Variants in PLA2R1 observed in about 807,000 individuals in gnomAD.
PLA2R1 encodes the protein secretory phospholipase A2 receptor.
A neutral mutation model predicts 195.9 loss-of-function variants in PLA2R1; 158 were observed. The ratio of observed to expected loss-of-function variants is 0.81; its 90% CI spans 0.71 to 0.92. PLA2R1 has a LOEUF of 0.92. Among genes scored for constraint, PLA2R1 ranks in the 40% least tolerant of loss-of-function variants. The pLI is 0.00. For synonymous variants in PLA2R1, 586 were observed against 598.2 expected (o/e 0.98, Z 0.30); for missense variants, 1,626 against 1,764.6 (o/e 0.92, Z 1.41).
chr2:160,011,469 T>C (rs181534495), intron 10 of PLA2R1, among the ~76,000 whole-genome samples: 1 of 152,032 alleles, frequency 6.6e-6, no homozygotes, highest in Non-Finnish European at 1.5e-5. Context: ...TCAAAAAAAA[T>C]TTTCTAATAA....
chr2:159,979,415 G>GA (rs928711443), intron 14 of PLA2R1, among the ~76,000 whole-genome samples: 2 of 152,062 alleles, frequency 1.3e-5, no homozygotes, highest in Non-Finnish European at 2.9e-5. Flanking sequence ...TGAGATAAAT[G>GA]AAAAATCATT....
chr2:160,053,811 T>C (rs1195967433), intron 1 of PLA2R1, among the ~76,000 whole-genome samples: 4 of 152,218 alleles, frequency 2.6e-5, no homozygotes, highest in African/African-American at 9.7e-5. Context: ...CAGGCAGAAT[T>C]GAACAGAGGC....
At chr2:159,966,109 C>T (rs1006222804) in intron 20 of PLA2R1, among the ~76,000 whole-genome samples, 1 of 152,086 alleles carries the variant, frequency 6.6e-6, no homozygotes, top group Non-Finnish European at 1.5e-5. Flanking sequence ...AAGAAATAAA[C>T]ATACAATCAA....
rs754437403 is a variant in PLA2R1, at chr2:160,020,112, C to T, written c.1446G>A (p.Glu482=). Residue 482 remains glutamate, a synonymous_variant, in exon 8 of 30, where the codon GAG becomes GAA. Transcript: ENST00000283243. ...AACAAATGAATCAACTTACAGACTG[C>T]TCTGCTGAGACACACAGCTGGCTTC... is the stretch of plus-strand genomic sequence containing the variant. ...PNRSQLCVSA[E]QSEGHWKVKN... 1.1e-5 allele frequency: 18 copies of T among 1,612,272 alleles called. No individual in the cohort carries two copies. The Admixed American group carries it at 3.0e-4, about 27-fold the overall frequency.
At chr2:160,028,824 G>A (rs369190349) in intron 5 of PLA2R1, 26 bp downstream of exon 5, 19 of 1,360,188 alleles carry the variant, frequency 1.4e-5, no homozygotes, top group African/African-American at 1.1e-4. Context: ...GCCACGTGAC[G>A]AAGGCAAAGA....
At position 159,951,388 on chromosome 2, in the gene PLA2R1, G is replaced by A. The variant is rs1192179478; in HGVS notation, c.3492C>T (p.Val1164=). ...AGTGGGCATATCCTAGCCGGTTGAG[G>A]ACAACAGTGAGGAAGGACTGGTGAT... The part of the protein sequence containing the change: ...DQYHQSFLTV[V]LNRLGYAHWI... The change falls in exon 24 of 30, where the codon GTC becomes GTT. Residue 1164 remains valine, a synonymous_variant. Transcript: ENST00000283243. 1 of 1,613,618 alleles carries A rather than the reference G, an allele frequency of 6.2e-7. No individual in the cohort carries two copies. The highest frequency in any genetic ancestry group is 1.3e-5 in the African/African-American group (1 of 74,898).
At position 159,935,213 on chromosome 2, in the gene PLA2R1, G is replaced by A. The variant is rs1055116639; in HGVS notation, c.*6565C>T. 1 of 152,170 alleles carries A rather than the reference G, an allele frequency of 6.6e-6. No individual in the cohort carries two copies. Among genetic ancestry groups the A allele is most frequent in the African/African-American group, 2.4e-5 (1 of 41,434 alleles). 9.4% of individuals were successfully genotyped at this position (152,170 alleles called of 1,614,324 possible). A position where few individuals can be genotyped will look rare whatever the true frequency, so the allele number is the denominator to read the frequency against. ...CCTTGATTAAAGAAGTTTCTCTACT[G>A]TAAAGTTATTACTTTCTCTTTGTAA... On this transcript the variant is annotated 3_prime_UTR_variant, in exon 30 of 30. Transcript: ENST00000283243.
intron 7 of PLA2R1, among the ~76,000 whole-genome samples, 164 bp from the exon 8 acceptor site, chr2:160,020,427 T>C (rs1693032476): frequency 6.6e-6 from 1 of 152,186 alleles, no homozygotes; most frequent in Non-Finnish European, 1.5e-5. Context: ...TGTTTAAACA[T>C]TTTCCCTTCC....
chr2:160,017,632 T>C (rs1450598534), intron 8 of PLA2R1, among the ~76,000 whole-genome samples: 1 of 152,230 alleles, frequency 6.6e-6, no homozygotes, highest in Non-Finnish European at 1.5e-5. Flanking sequence ...TGTCTTTCTC[T>C]AATCCTATTG....
Position 159,993,814 on chromosome 2 carries a change from C to A in PLA2R1, c.1835-6456G>T, listed in dbSNP as rs1588516. 7.4e-3 allele frequency among the ~76,000 whole-genome samples: 1,131 copies of A among 152,146 alleles called. 21 individuals carry two copies. The highest frequency in any genetic ancestry group is 0.026 in the African/African-American group (1,077 of 41,536). ...TCAAATATGTTTAAAACCCTTACTC[C>A]ATAGTAATGCTAAAAAAAGAAAAAC... On this transcript the variant is annotated intron_variant, in intron 11 of 29. Coordinates refer to ENST00000283243, the MANE Select transcript of PLA2R1 (RefSeq NM_007366.5).
At position 159,989,532 on chromosome 2, in the gene PLA2R1, T is replaced by C. The variant is rs147537719; in HGVS notation, c.1835-2174A>G. ...GAACTTCGGACTTGGAGCGTGAAGT[T>C]TGGGGTTCTAGTCTCAGCACAAATC... On this transcript the variant is annotated intron_variant, in intron 11 of 29. Transcript: ENST00000283243. Among the ~76,000 whole-genome samples the C allele has an allele frequency of 4.6e-5, 7 of 152,286 alleles. No individual in the cohort carries two copies. In the East Asian group the frequency reaches 1.3e-3, roughly 29 times the overall value.
rs1178618286 is a variant in PLA2R1, at chr2:159,981,979, C to T, written c.2183+1949G>A. On this transcript the variant is annotated intron_variant, in intron 13 of 29. Coordinates refer to ENST00000283243, the MANE Select transcript of PLA2R1 (RefSeq NM_007366.5). ...ACTGTGCCTGGCTCATATTATATGA[C>T]TTTTGTGATCAGATATTGAAGATCC... Among the ~76,000 whole-genome samples the T allele has an allele frequency of 2.6e-5, 4 of 152,106 alleles. No homozygotes were observed. In the East Asian group the frequency reaches 7.7e-4, roughly 29 times the overall value.
intron 13 of PLA2R1, 30 bp from the exon 14 acceptor site, chr2:159,979,944 T>C: frequency 7.4e-7 from 1 of 1,355,000 alleles, no homozygotes. Flanking sequence ...AAGCTTTGCC[T>C]TTCCCATCAA....
intron 7 of PLA2R1, among the ~76,000 whole-genome samples, 189 bp from the exon 8 acceptor site, chr2:160,020,452 A>G (rs1693035304): frequency 6.6e-6 from 1 of 152,126 alleles, no homozygotes. Context: ...TATGGTTTGA[A>G]TGTTTGTCCC....
intron 9 of PLA2R1, among the ~76,000 whole-genome samples, chr2:160,014,923 G>A (rs1036004224): frequency 6.6e-6 from 1 of 152,136 alleles, no homozygotes; most frequent in African/African-American, 2.4e-5. Context: ...GAGGGAGGCT[G>A]GCAATTTGAC....
rs1190898843 is a variant in PLA2R1 at position 159,939,708 on chromosome 2, A to G, written c.*2070T>C. 10 of 152,178 alleles carry G rather than the reference A, an allele frequency of 6.6e-5. No individual in the cohort carries two copies. Among genetic ancestry groups the G allele is most frequent in the Admixed American group, 1.3e-4 (2 of 15,280 alleles). The allele number at this position is 152,178 out of a possible 1,614,324, so 9.4% of individuals were successfully genotyped here. A position where few individuals can be genotyped will look rare whatever the true frequency, so the allele number is the denominator to read the frequency against. ...GAGAAGCAATACAGCTTCTTTCTGC[A>G]AAATCACTTTCCTAATGGTGTATTT... On this transcript the variant is annotated 3_prime_UTR_variant, in exon 30 of 30. Coordinates refer to ENST00000283243, the MANE Select transcript of PLA2R1 (RefSeq NM_007366.5).
Position 160,028,286 on chromosome 2 carries a change from C to T in PLA2R1, c.1031G>A (p.Arg344Gln), listed in dbSNP as rs369497962. ...ATATGGCAAGGTGGACTCACAATCC[C>T]GACTCCTCCAGGCACTTGGCATAAA... is the stretch of plus-strand genomic sequence containing the variant. ...SSFMPSAWRSRDCESTLPYIC... is the reference protein window; with the variant it reads ...SSFMPSAWRSQDCESTLPYIC... The change falls in exon 6 of 30, where the codon CGG (arginine) becomes CAG (glutamine). Residue 344 changes from arginine to glutamine, a missense_variant. By Grantham distance (43) the Arg-to-Gln change is conservative (BLOSUM62 1). Coordinates refer to ENST00000283243, the MANE Select transcript of PLA2R1 (RefSeq NM_007366.5). 78 of 1,602,744 alleles carry T rather than the reference C, an allele frequency of 4.9e-5. 1 individual carries two copies. The highest frequency in any genetic ancestry group is 1.9e-4 in the South Asian group (17 of 90,510).
chr2:159,944,192 A>C (rs537223276), intron 28 of PLA2R1, among the ~76,000 whole-genome samples: 1 of 152,222 alleles, frequency 6.6e-6, no homozygotes, highest in South Asian at 2.1e-4. Flanking sequence ...TGCTGCCTTT[A>C]ATCAGGCTGG....
intron 1 of PLA2R1, among the ~76,000 whole-genome samples, chr2:160,053,783 G>C (rs1695366129): frequency 1.3e-5 from 2 of 152,262 alleles, no homozygotes; most frequent in Non-Finnish European, 2.9e-5. Flanking sequence ...CCCGTCCCGG[G>C]AGGTAGACAG....
Sources: allele counts gnomAD v4.1 joint callset (sites outside exome capture counted in the v4.1 genomes callset), GRCh38; gene constraint gnomAD v4.1.1; transcripts MANE v1.5; gene names NCBI Gene and HGNC (gene_info 2026-07-23, HGNC 2026-07-21).